ZDHHC11B: variants seen among roughly 807,000 people sequenced by gnomAD.
ZDHHC11B encodes probable palmitoyltransferase ZDHHC11B.
Under a neutral mutation model 42.3 loss-of-function variants are expected in ZDHHC11B, and 17 were observed. The observed-to-expected ratio is 0.40, with a 90% CI of 0.27 to 0.60. ZDHHC11B has a LOEUF of 0.60. ZDHHC11B is among the 20% of genes least tolerant of loss of function. The pLI, the probability that ZDHHC11B is intolerant of heterozygous loss-of-function variation, is 0.41. For missense variants in ZDHHC11B, 262 were observed against 463.2 expected, an observed-to-expected ratio of 0.57 and a Z score of 3.99; for synonymous variants, 123 against 193.5, an observed-to-expected ratio of 0.64 and a Z score of 3.02.
intron 10 of ZDHHC11B, among the ~76,000 whole-genome samples, chr5:738,626 C>T (rs1214279404): frequency 1.2e-5 from 1 of 81,580 alleles, no homozygotes; most frequent in Non-Finnish European, 2.9e-5. Context: ...GAATAGAGAA[C>T]CCATAAATAA....
intron 4 of ZDHHC11B, among the ~76,000 whole-genome samples, chr5:763,504 C>G (rs1242124454): frequency 6.6e-6 from 1 of 151,864 alleles, no homozygotes; most frequent in African/African-American, 2.4e-5. Context: ...ACAAGGGAGA[C>G]TGTTGCACTT....
At chr5:777,059 G>A (rs564312440) in intron 1 of ZDHHC11B, among the ~76,000 whole-genome samples, 1 of 151,884 alleles carries the variant, frequency 6.6e-6, no homozygotes, top group African/African-American at 2.4e-5. Flanking sequence ...TATTGGTCTC[G>A]CTGACGTCAG....
intron 12 of ZDHHC11B, among the ~76,000 whole-genome samples, chr5:722,176 A>G (rs998007642): frequency 2.6e-5 from 4 of 151,892 alleles, no homozygotes; most frequent in African/African-American, 9.7e-5. Context: ...TCAAGACCAA[A>G]AAGCATTACT....
chr5:716,994 T>G, intron 12 of ZDHHC11B, 129 bp from the exon 13 acceptor site: 1 of 1,325,654 alleles, frequency 7.5e-7, no homozygotes, highest in Non-Finnish European at 1.1e-6. Flanking sequence ...GGGCAATCAC[T>G]TCACCTCTCT....
chr5:712,901 T>C (rs1308506687), intron 13 of ZDHHC11B, among the ~76,000 whole-genome samples: 1 of 145,586 alleles, frequency 6.9e-6, no homozygotes, highest in Admixed American at 7.0e-5. Flanking sequence ...ACAGCGAGAC[T>C]CTGTCTAAAT....
intron 4 of ZDHHC11B, among the ~76,000 whole-genome samples, chr5:763,212 T>C (rs1484172883): frequency 6.6e-6 from 1 of 150,894 alleles, no homozygotes; most frequent in East Asian, 1.9e-4. Flanking sequence ...CACTGAAAAA[T>C]ACAAAAATTA....
chr5:717,687 G>A (rs1741858730), intron 12 of ZDHHC11B, among the ~76,000 whole-genome samples: 1 of 151,916 alleles, frequency 6.6e-6, no homozygotes, highest in South Asian at 2.1e-4. Flanking sequence ...ACCTTTCTTG[G>A]ATCAGAAATG....
chr5:757,745 C>T (rs1229384532), intron 4 of ZDHHC11B, among the ~76,000 whole-genome samples: 2 of 151,832 alleles, frequency 1.3e-5, no homozygotes, highest in Non-Finnish European at 2.9e-5. Flanking sequence ...TCTGTGTGTG[C>T]AGACATGGCT....
rs577129630 is a variant in ZDHHC11B, at chr5:729,854, A to C, written c.1058+580T>G. ...TCCTATTACTCTATGTTCTGTGAGAAGTGTATCCTGTACTTGAGATTCTCT... is the reference window on the plus strand; with the variant it reads ...TCCTATTACTCTATGTTCTGTGAGACGTGTATCCTGTACTTGAGATTCTCT... On this transcript the variant is annotated intron_variant, in intron 12 of 13. Transcript: ENST00000508859. Among the ~76,000 whole-genome samples, 3 of 151,856 alleles carry C rather than the reference A, an allele frequency of 2.0e-5. No individual in the cohort carries two copies. In the South Asian group the frequency reaches 6.3e-4, roughly 32 times the overall value.
chr5:761,961 G>A (rs1434544021), intron 4 of ZDHHC11B, among the ~76,000 whole-genome samples: 1 of 110,434 alleles, frequency 9.1e-6, no homozygotes, highest in African/African-American at 3.6e-5. Flanking sequence ...GCCACTCACA[G>A]TCCTGGCTGG....
chr5:721,961 G>A (rs1441690534), intron 12 of ZDHHC11B, among the ~76,000 whole-genome samples: 1 of 151,686 alleles, frequency 6.6e-6, no homozygotes, highest in Admixed American at 6.6e-5. Context: ...AGCTTTTTAT[G>A]CCAGTGGGGA....
At position 748,371 on chromosome 5, in the gene ZDHHC11B, G is replaced by A. The variant is rs1271053983; in HGVS notation, c.784+33C>T. ...TGAGCAGCTCTGACCAACCAGGCTT[G>A]GGGGGATCGGGGGCTTAGGGTGGGG... On this transcript the variant is annotated intron_variant, in intron 8 of 13. Coordinates refer to ENST00000508859, the MANE Select transcript of ZDHHC11B (RefSeq NM_001351303.2). 2.6e-6 allele frequency: 3 copies of A among 1,169,826 alleles called. 1 individual carries two copies. The highest frequency in any genetic ancestry group is 3.5e-6 in the Non-Finnish European group (3 of 869,160). The allele number at this position is 1,169,826 out of a possible 1,614,324, so 72.5% of individuals were successfully genotyped here. A position where few individuals can be genotyped will look rare whatever the true frequency, so the allele number is the denominator to read the frequency against.
intron 3 of ZDHHC11B, 81 bp from the exon 4 acceptor site, chr5:767,000 G>C (rs1735521171): frequency 2.0e-6 from 3 of 1,495,004 alleles, no homozygotes. Context: ...AGACCACGGG[G>C]ACTGGGAACA....
At position 766,683 on chromosome 5, in the gene ZDHHC11B, C is replaced by T. The variant is rs542832123; in HGVS notation, c.222+15G>A. The stretch of plus-strand genomic sequence containing the variant: ...AACCCCTCCCGCTTAGACCATGCCA[C>T]GATGAAAAGGATACCACATAGGCGA... On this transcript the variant is annotated intron_variant, in intron 4 of 13. Transcript: ENST00000508859. 24 of 1,597,732 alleles carry T rather than the reference C, an allele frequency of 1.5e-5. No homozygotes were observed. Among genetic ancestry groups the T allele is most frequent in the African/African-American group, 1.1e-4 (8 of 74,678 alleles).
chr5:756,462 C>T (rs1733855867), intron 4 of ZDHHC11B, among the ~76,000 whole-genome samples: 1 of 151,864 alleles, frequency 6.6e-6, no homozygotes, highest in Non-Finnish European at 1.5e-5. Flanking sequence ...GCACACACAG[C>T]CCTGTGCCAG....
In ZDHHC11B at chr5:767,502, A is replaced by G; in HGVS notation, c.-111T>C. On this transcript the variant is annotated 5_prime_UTR_variant, in exon 3 of 14. Transcript: ENST00000508859. ...AATTATTCTGCATCGAAAGCGCAGT[A>G]GTGGCACTGGAGAGAAAGGTGACTG... The G allele has an allele frequency of 6.7e-7, 1 of 1,497,510 alleles. No homozygotes were observed. Among genetic ancestry groups the G allele is most frequent in the Admixed American group, 1.8e-5 (1 of 56,050 alleles). The allele number at this position is 1,497,510 out of a possible 1,614,324, so 92.8% of individuals were successfully genotyped here.
rs1279247845 is a variant in ZDHHC11B at position 744,172 on chromosome 5, G to C, written c.900+1011C>G. Among the ~76,000 whole-genome samples, 29 of 149,882 alleles carry C rather than the reference G, an allele frequency of 1.9e-4. 2 individuals are homozygous for C. The highest frequency in any genetic ancestry group is 3.5e-4 in the Non-Finnish European group (24 of 67,648). On this transcript the variant is annotated intron_variant, in intron 9 of 13. Coordinates refer to ENST00000508859, the MANE Select transcript of ZDHHC11B (RefSeq NM_001351303.2). Reference sequence around the variant, plus strand: ...TTAAGGCACTGCTCACCCCTGGAGTGATATCACTTGGCCACAGTGCACAGT... The same window carrying C: ...TTAAGGCACTGCTCACCCCTGGAGTCATATCACTTGGCCACAGTGCACAGT...
chr5:769,707 A>G (rs1268297496), intron 1 of ZDHHC11B, among the ~76,000 whole-genome samples: 4 of 151,964 alleles, frequency 2.6e-5, no homozygotes, highest in Admixed American at 1.3e-4. Flanking sequence ...CGGGCTGGAC[A>G]GGCCTAGTGC....
chr5:773,054 G>A (rs2150236208), intron 1 of ZDHHC11B, among the ~76,000 whole-genome samples: 1 of 152,092 alleles, frequency 6.6e-6, no homozygotes, highest in South Asian at 2.1e-4. Context: ...ATCAGGAGCG[G>A]AGAAGATGGG....
Sources: gnomAD v4.1 joint callset for allele counts (sites outside exome capture counted in the v4.1 genomes callset) on GRCh38, gnomAD v4.1.1 for gene constraint, MANE v1.5 for transcripts, NCBI Gene and HGNC (gene_info 2026-07-23, HGNC 2026-07-21) for gene names.